KLF12: variants seen among roughly 807,000 people sequenced by gnomAD.
The protein encoded by KLF12 is KLF transcription factor 12.
Under a neutral mutation model 37.8 loss-of-function variants are expected in KLF12, and 9 were observed. The observed-to-expected ratio is 0.24, with a 90% CI of 0.14 to 0.42. KLF12 has a LOEUF of 0.42. Ranked by LOEUF, KLF12 falls within the 10% of genes least tolerant of loss-of-function variation. The pLI is 1.00. For missense variants in KLF12, 411 were observed against 516.0 expected, an observed-to-expected ratio of 0.80 and a Z score of 1.97; for synonymous variants, 208 against 202.1, an observed-to-expected ratio of 1.03 and a Z score of -0.25.
Position 73,899,495 on chromosome 13 carries a change from G to C in KLF12, c.123+44486C>G, listed in dbSNP as rs185585695. On this transcript the variant is annotated intron_variant, in intron 3 of 7. Transcript: ENST00000377669. ...TGTGGAAAAGCTTAAAGTTGGATATGAGGCTTTGTGATGGTTACTGGCTTA... is the reference window on the plus strand; with the variant it reads ...TGTGGAAAAGCTTAAAGTTGGATATCAGGCTTTGTGATGGTTACTGGCTTA... Among the ~76,000 whole-genome samples, 865 of 152,316 alleles carry C rather than the reference G, an allele frequency of 5.7e-3. 3 individuals carry two copies. The highest frequency in any genetic ancestry group is 0.014 in the Middle Eastern group (4 of 294).
chr13:73,945,958 G>A (rs936268554), intron 2 of KLF12, among the ~76,000 whole-genome samples: 2 of 152,084 alleles, frequency 1.3e-5, no homozygotes, highest in Admixed American at 1.3e-4. Flanking sequence ...TTCACATGGG[G>A]CAGGGATCTC....
rs535883840 is a variant in KLF12 at position 73,733,555 on chromosome 13, C to T, written c.870-18030G>A. ...ATACACACATGCACACTCACACACA[C>T]ACTTTATCCTTATTCATGGATGACA... On this transcript the variant is annotated intron_variant, in intron 6 of 7. Transcript: ENST00000377669. 2.0e-5 allele frequency among the ~76,000 whole-genome samples: 3 copies of T among 152,146 alleles called. No homozygotes were observed. The East Asian group carries it at 5.8e-4, about 29-fold the overall frequency.
At chr13:73,771,739 T>G (rs1024335743) in intron 5 of KLF12, among the ~76,000 whole-genome samples, 4 of 152,174 alleles carry the variant, frequency 2.6e-5, no homozygotes. Context: ...CAAAATAAGA[T>G]AGGAAAATTA....
At chr13:74,272,292 G>T in the KLF12 span, among the ~76,000 whole-genome samples, 2 of 152,152 alleles carry the variant, frequency 1.3e-5, no homozygotes, top group African/African-American at 4.8e-5. Flanking sequence ...GTGGAATAAA[G>T]TTAAGACTCC....
chr13:74,243,563 T>C, the KLF12 span, among the ~76,000 whole-genome samples: 1 of 152,152 alleles, frequency 6.6e-6, no homozygotes, highest in Non-Finnish European at 1.5e-5. Flanking sequence ...TAATTTACAC[T>C]CTCCCCAACA....
chr13:73,741,255 A>G (rs1211746261), intron 6 of KLF12, among the ~76,000 whole-genome samples: 5 of 152,160 alleles, frequency 3.3e-5, no homozygotes, highest in African/African-American at 7.2e-5. Flanking sequence ...GCACGACTGG[A>G]AAGCTCACAT....
intron 2 of KLF12, among the ~76,000 whole-genome samples, chr13:73,994,292 T>C (rs138804842): frequency 6.6e-6 from 1 of 152,210 alleles, no homozygotes; most frequent in East Asian, 1.9e-4. Flanking sequence ...TGCTTCTGTA[T>C]GAGACCTGTT....
intron 3 of KLF12, among the ~76,000 whole-genome samples, chr13:73,859,558 G>GT: frequency 6.6e-6 from 1 of 152,178 alleles, no homozygotes. Flanking sequence ...TGCTAGGATA[G>GT]TTGTAAGCTA....
intron 2 of KLF12, among the ~76,000 whole-genome samples, chr13:73,976,426 T>C (rs1467889172): frequency 6.6e-6 from 1 of 152,114 alleles, no homozygotes; most frequent in African/African-American, 2.4e-5. Flanking sequence ...TCAACAACAA[T>C]CATCAGTATC....
At chr13:73,732,212 T>C (rs969025820) in intron 6 of KLF12, among the ~76,000 whole-genome samples, 2 of 151,650 alleles carry the variant, frequency 1.3e-5, no homozygotes, top group Admixed American at 1.3e-4. Context: ...GCTTCCTGAG[T>C]AGCAAGGATT....
At chr13:73,754,049 T>C (rs544017404) in intron 6 of KLF12, among the ~76,000 whole-genome samples, 7 of 152,164 alleles carry the variant, frequency 4.6e-5, no homozygotes, top group Non-Finnish European at 1.0e-4. Flanking sequence ...ATTCTCTTCA[T>C]ATTTTCTCAC....
chr13:73,944,082 A>C lies in KLF12; in HGVS notation c.34-12T>G, dbSNP rs750251933. ...AAGGTGTTGATATTCTGAGAATAGA[A>C]GGGAGAGAGAAAGATTCAGCTCTAA... On this transcript the variant is annotated splice_polypyrimidine_tract_variant and intron_variant, in intron 2 of 7. Transcript: ENST00000377669. 1 of 1,527,140 alleles carries C rather than the reference A, an allele frequency of 6.5e-7. No homozygotes were observed. Among genetic ancestry groups the C allele is most frequent in the South Asian group, 1.1e-5 (1 of 89,264 alleles). 94.6% of individuals were successfully genotyped at this position (1,527,140 alleles called of 1,614,324 possible).
chr13:73,884,473 C>T (rs1465234671), intron 3 of KLF12, among the ~76,000 whole-genome samples: 1 of 152,192 alleles, frequency 6.6e-6, no homozygotes, highest in African/African-American at 2.4e-5. Context: ...AAATCAGGAA[C>T]ACTGGACCCA....
At chr13:74,273,419 T>C in the KLF12 span, among the ~76,000 whole-genome samples, 1 of 151,842 alleles carries the variant, frequency 6.6e-6, no homozygotes, top group Non-Finnish European at 1.5e-5. Context: ...TTAATGTTAA[T>C]CTATTCCTGT....
chr13:73,784,901 G>T (rs1317217766), intron 5 of KLF12, among the ~76,000 whole-genome samples: 1 of 151,970 alleles, frequency 6.6e-6, no homozygotes, highest in East Asian at 1.9e-4. Context: ...CTCCCAAAGT[G>T]CTGAGATTAC....
At chr13:73,789,430 CT>C (rs1881534573) in intron 5 of KLF12, among the ~76,000 whole-genome samples, 1 of 152,086 alleles carries the variant, frequency 6.6e-6, no homozygotes, top group African/African-American at 2.4e-5. Flanking sequence ...ACACATACTT[CT>C]TTTTTCACCA....
At chr13:74,010,591 A>G (rs1259757409) in intron 1 of KLF12, among the ~76,000 whole-genome samples, 1 of 152,210 alleles carries the variant, frequency 6.6e-6, no homozygotes, top group Non-Finnish European at 1.5e-5. Flanking sequence ...AATCTAAAAC[A>G]TGTAATTTGT....
At chr13:73,805,736 C>A (rs1261659289) in intron 5 of KLF12, among the ~76,000 whole-genome samples, 2 of 151,478 alleles carry the variant, frequency 1.3e-5, no homozygotes, top group African/African-American at 4.9e-5. Context: ...AATTGTTTCA[C>A]ACAAGTTTTA....
chr13:74,064,888 C>T (rs1051867615), intron 1 of KLF12, among the ~76,000 whole-genome samples: 2 of 152,130 alleles, frequency 1.3e-5, no homozygotes, highest in Non-Finnish European at 2.9e-5. Context: ...TAGTTTTATT[C>T]ATCCTGCATT....
Sources: allele counts gnomAD v4.1 joint callset (sites outside exome capture counted in the v4.1 genomes callset), GRCh38; gene constraint gnomAD v4.1.1; transcripts MANE v1.5; gene names NCBI Gene and HGNC (gene_info 2026-07-23, HGNC 2026-07-21).